Variants in ENPP2 observed in about 807,000 individuals in gnomAD.
ENPP2 encodes autotaxin.
ENPP2 carries 51 observed loss-of-function variants against 120.2 expected under a neutral mutation model. That is an observed-to-expected ratio of 0.42 (90% CI 0.34 to 0.54). The LOEUF (loss-of-function observed/expected upper bound fraction) is 0.54, where lower values mean the gene tolerates loss of function less well. Ranked by LOEUF, ENPP2 falls within the 20% of genes least tolerant of loss-of-function variation. ENPP2 has a pLI of 0.04. For missense variants in ENPP2, 920 were observed against 1,066.5 expected (o/e 0.86, Z 1.91); for synonymous variants, 365 against 366.4 (o/e 1.00, Z 0.04).
chr8:119,558,048 A>G (rs1361797770), intron 24 of ENPP2, among the ~76,000 whole-genome samples: 2 of 152,240 alleles, frequency 1.3e-5, no homozygotes, highest in East Asian at 1.9e-4. Flanking sequence ...TCAAATTGCA[A>G]TATTGAGCAC....
At chr8:119,559,874 A>T (rs1813779611) in intron 24 of ENPP2, among the ~76,000 whole-genome samples, 1 of 152,214 alleles carries the variant, frequency 6.6e-6, no homozygotes, top group Non-Finnish European at 1.5e-5. Context: ...TAAAATTCAC[A>T]GCAAGGACAG....
chr8:119,559,419 T>C (rs1813739102), intron 24 of ENPP2, among the ~76,000 whole-genome samples: 1 of 152,234 alleles, frequency 6.6e-6, no homozygotes, highest in Non-Finnish European at 1.5e-5. Flanking sequence ...TAGCTGGGAT[T>C]ATAAGAATTC....
intron 1 of ENPP2, among the ~76,000 whole-genome samples, chr8:119,665,822 A>G (rs1818052477): frequency 6.6e-6 from 1 of 152,158 alleles, no homozygotes; most frequent in African/African-American, 2.4e-5. Context: ...CCTTCTTTCC[A>G]TCAATAATTG....
chr8:119,582,655 A>G, intron 17 of ENPP2, 53 bp from the exon 18 acceptor site: 1 of 1,284,104 alleles, frequency 7.8e-7, no homozygotes, highest in Admixed American at 1.8e-5. Context: ...TTTTGATGAG[A>G]TATGGTAAGA....
chr8:119,561,489 A>G (rs17801314), intron 24 of ENPP2, among the ~76,000 whole-genome samples: 23,828 of 152,224 alleles, frequency 0.16, 2,459 homozygotes, highest in Non-Finnish European at 0.23. Context: ...AGCATAGACC[A>G]TTACTTCTAA....
chr8:119,604,106 C>A (rs537967566), intron 9 of ENPP2, among the ~76,000 whole-genome samples: 4 of 151,194 alleles, frequency 2.6e-5, no homozygotes, highest in Non-Finnish European at 4.4e-5. Context: ...CGGCTCACTG[C>A]AACCTCCACC....
At chr8:119,611,246 CAT>C (rs920369932) in intron 8 of ENPP2, among the ~76,000 whole-genome samples, 1 of 152,164 alleles carries the variant, frequency 6.6e-6, no homozygotes, top group African/African-American at 2.4e-5. Flanking sequence ...TTTCAAAAAA[CAT>C]AAACTACTAG....
chr8:119,628,839 C>T (rs1816458941), intron 2 of ENPP2, among the ~76,000 whole-genome samples: 1 of 152,036 alleles, frequency 6.6e-6, no homozygotes, highest in Non-Finnish European at 1.5e-5. Flanking sequence ...TTTTAAAATG[C>T]AGGTGTGAAC....
At chr8:119,594,476 A>G (rs1242984784) in intron 11 of ENPP2, among the ~76,000 whole-genome samples, 2 of 152,246 alleles carry the variant, frequency 1.3e-5, no homozygotes, top group Admixed American at 6.5e-5. Flanking sequence ...ACAAGAATCT[A>G]TAAGAGTCCT....
chr8:119,632,608 T>A (rs1201001504), intron 2 of ENPP2, among the ~76,000 whole-genome samples: 1 of 152,236 alleles, frequency 6.6e-6, no homozygotes, highest in Non-Finnish European at 1.5e-5. Context: ...ATTTCTTATT[T>A]TTCACAGAAG....
intron 3 of ENPP2, 91 bp from the exon 4 acceptor site, chr8:119,621,610 C>T: frequency 7.2e-7 from 1 of 1,391,418 alleles, no homozygotes; most frequent in Non-Finnish European, 1.0e-6. Context: ...ATGAAGAAAG[C>T]TAAAATCTCA....
In ENPP2 at chr8:119,626,052, T is replaced by G. The variant is rs565054225; in HGVS notation, c.292+513A>C. Among the ~76,000 whole-genome samples the G allele has an allele frequency of 1.2e-3, 184 of 150,516 alleles. 1 individual carries two copies. Among genetic ancestry groups the G allele is most frequent in the Non-Finnish European group, 2.4e-3 (159 of 67,130 alleles). ...AAGCTGGGAAAGCAAGAAAAAAAAT[T>G]TTTTTAAAGAATGTACACAATTAGG... On this transcript the variant is annotated intron_variant, in intron 3 of 24. Coordinates refer to ENST00000075322, the MANE Select transcript of ENPP2 (RefSeq NM_001040092.3).
chr8:119,614,863 C>T (rs145448710), intron 8 of ENPP2, among the ~76,000 whole-genome samples: 1 of 152,132 alleles, frequency 6.6e-6, no homozygotes, highest in Non-Finnish European at 1.5e-5. Flanking sequence ...TATGATCACA[C>T]CCTAGGCCAT....
chr8:119,582,496 T>G lies in ENPP2; in HGVS notation c.1650A>C (p.Arg550Ser). The change falls in exon 18 of 25, where the codon AGA becomes AGC. Residue 550 changes from arginine (R) to serine (S), a missense_variant. Transcript: ENST00000075322. Reference protein sequence around the residue: ...FRPTMPEEVTRPNYPGIMYLQ... With the variant: ...FRPTMPEEVTSPNYPGIMYLQ... ...GGTACATAATCCCTGGATAATTGGG[T>G]CTGGTAACTTCCTCTGGCATGGTTG... The G allele has an allele frequency of 6.2e-7, 1 of 1,614,034 alleles. No individual in the cohort carries two copies. Among genetic ancestry groups the G allele is most frequent in the Non-Finnish European group, 8.5e-7 (1 of 1,179,922 alleles).
At chr8:119,570,921 A>G (rs1041666813) in intron 19 of ENPP2, 80 bp from the exon 20 acceptor site, 1 of 916,544 alleles carries the variant, frequency 1.1e-6, no homozygotes, top group Non-Finnish European at 1.6e-6. Context: ...GGAAGAGTCA[A>G]GTTACCTAAA....
chr8:119,576,122 A>G (rs1812319711), intron 19 of ENPP2, among the ~76,000 whole-genome samples: 3 of 152,122 alleles, frequency 2.0e-5, no homozygotes, highest in Non-Finnish European at 2.9e-5. Flanking sequence ...AACAAGAATT[A>G]CTAGTGTTTA....
At chr8:119,658,480 G>A (rs761394584) in intron 1 of ENPP2, among the ~76,000 whole-genome samples, 3 of 152,140 alleles carry the variant, frequency 2.0e-5, no homozygotes, top group Admixed American at 2.0e-4. Flanking sequence ...GTATTGCCCA[G>A]GCTAAAAGCA....
rs1813096749 is a variant in ENPP2 at position 119,586,174 on chromosome 8, T to C, written c.1367+12A>G. On this transcript the variant is annotated intron_variant, in intron 15 of 24. Coordinates refer to ENST00000075322, the MANE Select transcript of ENPP2 (RefSeq NM_001040092.3). Reference sequence around the variant, plus strand: ...GGAAATGAGAAACAGAAATAGCCCATATACCAGTTACCTTGCAACATGCCA... The same window carrying C: ...GGAAATGAGAAACAGAAATAGCCCACATACCAGTTACCTTGCAACATGCCA... 1 of 1,613,492 alleles carries C rather than the reference T, an allele frequency of 6.2e-7. No individual in the cohort carries two copies.
rs995823831 is a variant in ENPP2 at position 119,580,333 on chromosome 8, A to T, written c.1729-166T>A. 1.2e-5 allele frequency: 8 copies of T among 654,566 alleles called. No homozygotes were observed. The African/African-American group carries it at 1.4e-4, about 12-fold the overall frequency. 40.5% of individuals were successfully genotyped at this position (654,566 alleles called of 1,614,324 possible). On this transcript the variant is annotated intron_variant, in intron 18 of 24. Transcript: ENST00000075322. The stretch of plus-strand genomic sequence containing the variant: ...GAATTAACTGTTTTCTCTCAAACTG[A>T]CATTCTGGGCTCCACCTCTAGCAGT...
Sources: gnomAD v4.1 joint callset for allele counts (sites outside exome capture counted in the v4.1 genomes callset) on GRCh38, gnomAD v4.1.1 for gene constraint, MANE v1.5 for transcripts, NCBI Gene and HGNC (gene_info 2026-07-23, HGNC 2026-07-21) for gene names.